Variants in MDGA2 observed in about 807,000 individuals in gnomAD.
The protein encoded by MDGA2 is MAM domain-containing glycosylphosphatidylinositol anchor protein 2.
In MDGA2, 40 loss-of-function variants were observed where a neutral mutation model predicts 117.8. That is an observed-to-expected ratio of 0.34 (90% CI 0.26 to 0.44). The LOEUF (loss-of-function observed/expected upper bound fraction) is 0.44. MDGA2 is among the 20% of genes least tolerant of loss of function. MDGA2 has a pLI of 1.00. For synonymous variants in MDGA2, 452 were observed against 439.0 expected (o/e 1.03, Z -0.37); for missense variants, 1,123 against 1,250.6 (o/e 0.90, Z 1.54).
intron 1 of MDGA2, among the ~76,000 whole-genome samples, chr14:47,577,106 G>A (rs1896130191): frequency 3.9e-5 from 6 of 152,108 alleles, no homozygotes; most frequent in Admixed American, 2.6e-4. Flanking sequence ...GCATATTTCT[G>A]TAAAGGAGGA....
rs532789919 is a variant in MDGA2, at chr14:47,063,518, T to C, written c.1196-1940A>G. Among the ~76,000 whole-genome samples the C allele has an allele frequency of 1.0e-3, 154 of 152,080 alleles. 1 individual carries two copies. The highest frequency in any genetic ancestry group is 3.6e-3 in the African/African-American group (149 of 41,548). ...TGCCATATTTGGTATATAATAATTGTGCTCATACAATGCCAATGTAATTGA... is the reference window on the plus strand; with the variant it reads ...TGCCATATTTGGTATATAATAATTGCGCTCATACAATGCCAATGTAATTGA... On this transcript the variant is annotated intron_variant, in intron 6 of 16. Transcript: ENST00000399232.
chr14:47,501,112 T>TA (rs1217917025), intron 1 of MDGA2, among the ~76,000 whole-genome samples: 1 of 152,146 alleles, frequency 6.6e-6, no homozygotes, highest in African/African-American at 2.4e-5. Context: ...ATGTAACATT[T>TA]AAAAAATCTG....
chr14:47,436,298 T>C (rs1301951207), intron 1 of MDGA2, among the ~76,000 whole-genome samples: 1 of 152,152 alleles, frequency 6.6e-6, no homozygotes, highest in Non-Finnish European at 1.5e-5. Flanking sequence ...TATTCTAGTG[T>C]AGCAAGGGTT....
chr14:46,923,725 AT>A (rs1884220876), intron 9 of MDGA2, among the ~76,000 whole-genome samples: 1 of 152,004 alleles, frequency 6.6e-6, no homozygotes, highest in African/African-American at 2.4e-5. Context: ...GGCATCTTAA[AT>A]TTTTTGAAAT....
intron 2 of MDGA2, among the ~76,000 whole-genome samples, chr14:47,272,989 T>C (rs1347328273): frequency 6.6e-6 from 1 of 152,146 alleles, no homozygotes; most frequent in African/African-American, 2.4e-5. Flanking sequence ...GATTTTTTAC[T>C]CTAAGGAGCC....
chr14:47,444,392 T>C, intron 1 of MDGA2: 1 of 184,272 alleles, frequency 5.4e-6, no homozygotes, highest in Non-Finnish European at 1.2e-5. Flanking sequence ...AGAAACCAGA[T>C]GATGGCTCTG....
intron 7 of MDGA2, among the ~76,000 whole-genome samples, chr14:47,054,403 T>C (rs112833164): frequency 0.084 from 12,681 of 151,566 alleles, 708 homozygotes; most frequent in Admixed American, 0.14. Flanking sequence ...ACATGTGCCA[T>C]GTTGGTGTGC....
At chr14:46,912,425 T>C (rs1883741722) in intron 10 of MDGA2, among the ~76,000 whole-genome samples, 1 of 152,174 alleles carries the variant, frequency 6.6e-6, no homozygotes, top group African/African-American at 2.4e-5. Flanking sequence ...TGCTTTTGAC[T>C]TGTAAATTAA....
At position 47,144,288 on chromosome 14, in the gene MDGA2, A is replaced by C; in HGVS notation, c.596-14T>G. ...GATCATCCAAATCTAAAGGAAATAA[A>C]AACAACCAAATGGCAATGTTATGAG... On this transcript the variant is annotated splice_polypyrimidine_tract_variant and intron_variant, in intron 3 of 16. Transcript: ENST00000399232. 6.5e-7 allele frequency: 1 copy of C among 1,539,930 alleles called. No homozygotes were observed. The highest frequency in any genetic ancestry group is 8.8e-7 in the Non-Finnish European group (1 of 1,139,740).
intron 7 of MDGA2, among the ~76,000 whole-genome samples, chr14:47,051,141 C>G (rs1889443128): frequency 6.6e-6 from 1 of 151,890 alleles, no homozygotes. Flanking sequence ...AGCTTTCATA[C>G]TGGATTTGAA....
At chr14:47,586,919 T>C (rs948901616) in intron 1 of MDGA2, among the ~76,000 whole-genome samples, 1 of 152,020 alleles carries the variant, frequency 6.6e-6, no homozygotes, top group Non-Finnish European at 1.5e-5. Context: ...TTAGTAGTCA[T>C]TGTCCATTGC....
At chr14:47,571,729 G>C (rs1242164136) in intron 1 of MDGA2, among the ~76,000 whole-genome samples, 1 of 129,172 alleles carries the variant, frequency 7.7e-6, no homozygotes, top group Non-Finnish European at 1.6e-5. Context: ...ATAAGGCGGG[G>C]AACATCACAC....
chr14:47,363,408 C>T (rs1891167238), intron 1 of MDGA2, among the ~76,000 whole-genome samples: 1 of 152,012 alleles, frequency 6.6e-6, no homozygotes, highest in Non-Finnish European at 1.5e-5. Flanking sequence ...CAGGCACACA[C>T]CAACATACCC....
intron 2 of MDGA2, 121 bp from the exon 3 acceptor site, chr14:47,218,316 T>C (rs1886175082): frequency 1.2e-6 from 1 of 836,874 alleles, no homozygotes; most frequent in Non-Finnish European, 1.8e-6. Flanking sequence ...CCCATCAAAT[T>C]ATTGAAGAAA....
intron 1 of MDGA2, among the ~76,000 whole-genome samples, chr14:47,445,912 A>G (rs1893112565): frequency 6.6e-6 from 1 of 152,164 alleles, no homozygotes; most frequent in South Asian, 2.1e-4. Flanking sequence ...TAGAGGTACG[A>G]TGGCTGAAAA....
Position 47,388,126 on chromosome 14 carries a change from C to G in MDGA2, c.281-86576G>C, listed in dbSNP as rs934978964. 5.6e-4 allele frequency among the ~76,000 whole-genome samples: 3 copies of G among 5,388 alleles called. No homozygotes were observed. The Non-Finnish European group carries it at 0.022, about 40-fold the overall frequency. The allele number at this position is 5,388 out of a possible 152,430, so 3.5% of individuals were successfully genotyped here. On this transcript the variant is annotated intron_variant, in intron 1 of 16. Coordinates refer to ENST00000399232, the MANE Select transcript of MDGA2 (RefSeq NM_001113498.3). Reference sequence around the variant, plus strand: ...GATGCTCTGAGGAGTTTGTTTTTGTCTTTATTGTTTTGATTATTTGTATTT... The same window carrying G: ...GATGCTCTGAGGAGTTTGTTTTTGTGTTTATTGTTTTGATTATTTGTATTT...
At chr14:47,629,531 G>A (rs1453226232) in intron 1 of MDGA2, among the ~76,000 whole-genome samples, 1 of 152,172 alleles carries the variant, frequency 6.6e-6, no homozygotes, top group Non-Finnish European at 1.5e-5. Context: ...TCCATATAAA[G>A]GCATTGGTTC....
chr14:46,888,881 A>G (rs919945030), intron 10 of MDGA2, among the ~76,000 whole-genome samples: 1 of 152,012 alleles, frequency 6.6e-6, no homozygotes, highest in Non-Finnish European at 1.5e-5. Context: ...AAAGATTGAT[A>G]TATCCATTTT....
At chr14:47,090,326 T>C (rs919738220) in intron 6 of MDGA2, among the ~76,000 whole-genome samples, 3 of 152,130 alleles carry the variant, frequency 2.0e-5, no homozygotes, top group Non-Finnish European at 2.9e-5. Flanking sequence ...GTTAACTCTA[T>C]TTCAATATTG....
Sources: gnomAD v4.1 joint callset for allele counts (sites outside exome capture counted in the v4.1 genomes callset) on GRCh38, gnomAD v4.1.1 for gene constraint, MANE v1.5 for transcripts, NCBI Gene and HGNC (gene_info 2026-07-23, HGNC 2026-07-21) for gene names.